The following DNMT1 variants were observed in gnomAD, a reference collection of about 807,000 sequenced individuals.
DNMT1 encodes DNA (cytosine-5)-methyltransferase 1.
DNMT1 carries 24 observed loss-of-function variants against 205.3 expected under a neutral mutation model. The ratio of observed to expected loss-of-function variants is 0.12; its 90% confidence interval spans 0.08 to 0.16. DNMT1 has a LOEUF of 0.16. DNMT1 is among the 10% of genes least tolerant of loss of function. DNMT1 has a pLI of 1.00. For synonymous variants in DNMT1, 817 were observed against 839.8 expected, an observed-to-expected ratio of 0.97 and a Z score of 0.47; for missense variants, 1,293 against 2,177.7, an observed-to-expected ratio of 0.59 and a Z score of 8.09.
rs1334574531 is a variant in DNMT1 at position 10,133,730 on chromosome 19, CTG to C, written c.4865-31_4865-30del. On this transcript the variant is annotated intron_variant, in intron 40 of 40. Transcript: ENST00000359526. The surrounding 1 kb of genome is among the most constrained non-coding windows in gnomAD (Gnocchi z 4.1). The stretch of plus-strand genomic sequence containing the variant: ...AAGGGAAATAAAAGGAAAAGTCACT[CTG>C]GGGAACACGCCCGGTGTCACGCCAC... The C allele has an allele frequency of 1.3e-6, 2 of 1,573,680 alleles. No individual in the cohort carries two copies. The highest frequency in any genetic ancestry group is 2.7e-5 in the African/African-American group (2 of 73,852).
In DNMT1 at chr19:10,137,002, G is replaced by A. The variant is rs571761401; in HGVS notation, c.4489+83C>T. 95 of 1,539,344 alleles carry A rather than the reference G, an allele frequency of 6.2e-5. No homozygotes were observed. The highest frequency in any genetic ancestry group is 8.1e-5 in the Non-Finnish European group (92 of 1,134,216). ...CTTGGTGTGTCTGTGCCCTGCCCTG[G>A]CCTCCAGGTTCACAGGCCAAAGGCC... On this transcript the variant is annotated intron_variant, in intron 37 of 40. Transcript: ENST00000359526. This position sits in a 1 kb window ranked among gnomAD's most constrained non-coding sequence, Gnocchi z 6.4.
Position 10,168,362 on chromosome 19 carries a change from T to G in DNMT1, c.771A>C (p.Glu257Asp), listed in dbSNP as rs2038736525. 1.2e-6 allele frequency: 2 copies of G among 1,614,052 alleles called. No individual in the cohort carries two copies. Among genetic ancestry groups the G allele is most frequent in the South Asian group, 2.2e-5 (2 of 91,092 alleles). ...TEKEEERDEK[E>D]EKRLRSQTKE... ...TGGTTTGACTTCGGAGTCTCTTTTC[T>G]TCCTAAGTTGCAGGGAAAAAAGACA... is the stretch of plus-strand genomic sequence containing the variant. Residue 257 changes from glutamate to aspartate, a missense_variant and splice_region_variant, in exon 10 of 41, where the codon GAA (glutamate) becomes GAC (aspartate). Around this residue, in one of 13 missense-constraint regions of DNMT1, gnomAD observed 394 missense variants for 451.6 expected, o/e 0.87. Transcript: ENST00000359526.
At chr19:10,148,294 A>C (rs1485157066) in intron 27 of DNMT1, among the ~76,000 whole-genome samples, 1 of 151,172 alleles carries the variant, frequency 6.6e-6, no homozygotes, top group East Asian at 1.9e-4. Flanking sequence ...CAGGAGATCG[A>C]GACCATCCTG....
In DNMT1 at chr19:10,180,215, G is replaced by T. The variant is rs1329131173; in HGVS notation, c.465C>A (p.Ala155=). 4 of 1,063,894 alleles carry T rather than the reference G, an allele frequency of 3.8e-6. No individual in the cohort carries two copies. Among genetic ancestry groups the T allele is most frequent in the Non-Finnish European group, 5.6e-6 (4 of 717,792 alleles). 65.9% of individuals were successfully genotyped at this position (1,063,894 alleles called of 1,614,324 possible). Reference sequence around the variant, plus strand: ...TAATCCCAGTTACTTGGGAGGCTGAGGCAGGAGGGTCTCTTGAACCTGGGA... The same window carrying T: ...TAATCCCAGTTACTTGGGAGGCTGATGCAGGAGGGTCTCTTGAACCTGGGA... ...GEAKRSRDPP[A]SASQVTGIRA... Residue 155 remains alanine, a synonymous_variant, in exon 5 of 41, where the codon GCC becomes GCA. Coordinates refer to ENST00000359526, the MANE Select transcript of DNMT1 (RefSeq NM_001130823.3).
In DNMT1 at chr19:10,143,844, T is replaced by C. The variant is rs1330228268; in HGVS notation, c.3038A>G (p.Lys1013Arg). 1 of 1,614,050 alleles carries C rather than the reference T, an allele frequency of 6.2e-7. No individual in the cohort carries two copies. The highest frequency in any genetic ancestry group is 8.5e-7 in the Non-Finnish European group (1 of 1,180,038). ...GCTCTTCTTGGGACAGAAGATCTCT[T>C]TGATCCGGCCAATTCGGTAGGGCTC... Reference protein sequence around the residue: ...APEPYRIGRIKEIFCPKKSNG... With the variant: ...APEPYRIGRIREIFCPKKSNG... The change falls in exon 29 of 41, where the codon AAA (lysine) becomes AGA (arginine). Residue 1013 changes from lysine to arginine, a missense_variant. By Grantham distance (26) the Lys-to-Arg change is conservative. Around this residue, in one of 13 missense-constraint regions of DNMT1, gnomAD observed 167 missense variants for 258.1 expected, o/e 0.65. Transcript: ENST00000359526.
chr19:10,182,549 G>A (rs1266362504), intron 1 of DNMT1, among the ~76,000 whole-genome samples: 2 of 144,538 alleles, frequency 1.4e-5, no homozygotes, highest in South Asian at 2.1e-4. Context: ...ATACATATGT[G>A]TATATATATA....
chr19:10,134,082 G>C, intron 40 of DNMT1, 135 bp downstream of exon 40: 3 of 865,214 alleles, frequency 3.5e-6, no homozygotes, highest in Non-Finnish European at 5.7e-6. Context: ...AGCCCCTTGA[G>C]AAAGATGGGG....
chr19:10,171,619 C>T (rs191748866), intron 9 of DNMT1, among the ~76,000 whole-genome samples: 39 of 152,106 alleles, frequency 2.6e-4, no homozygotes, highest in African/African-American at 3.6e-4. Context: ...TCCTGGCTAA[C>T]GTGGTGAAAC....
chr19:10,193,166 C>T (rs926758821), intron 1 of DNMT1, among the ~76,000 whole-genome samples: 1 of 152,070 alleles, frequency 6.6e-6, no homozygotes, highest in African/African-American at 2.4e-5. Flanking sequence ...CCAGCCTGGG[C>T]AATATGGTGA....
chr19:10,155,544 G>A (rs983448352), intron 19 of DNMT1, among the ~76,000 whole-genome samples: 1 of 152,034 alleles, frequency 6.6e-6, no homozygotes, highest in African/African-American at 2.4e-5. Flanking sequence ...CACCATGTTG[G>A]CCAGGCTAGG....
At chr19:10,173,328 T>A (rs566744439) in intron 8 of DNMT1, among the ~76,000 whole-genome samples, 154 bp from the exon 9 acceptor site, 2 of 152,254 alleles carry the variant, frequency 1.3e-5, no homozygotes, top group African/African-American at 4.8e-5. Context: ...GTATTTGATA[T>A]GACTTTTACA....
chr19:10,173,726 A>T, intron 8 of DNMT1, 145 bp downstream of exon 8: 1 of 822,256 alleles, frequency 1.2e-6, no homozygotes, highest in Non-Finnish European at 2.1e-6. Context: ...TCCTGACCTC[A>T]AGTGATTCGC....
chr19:10,167,307 T>C (rs1276988442), intron 10 of DNMT1, among the ~76,000 whole-genome samples: 1 of 152,082 alleles, frequency 6.6e-6, no homozygotes, highest in Non-Finnish European at 1.5e-5. Flanking sequence ...GTGATTCTCC[T>C]GCCTCAGTCT....
intron 40 of DNMT1, 124 bp downstream of exon 40, chr19:10,134,093 C>T: frequency 1.1e-6 from 1 of 947,420 alleles, no homozygotes; most frequent in Non-Finnish European, 1.7e-6. Context: ...AAAGATGGGG[C>T]CACGAACGTG....
chr19:10,162,139 G>A (rs1323908631), intron 13 of DNMT1, among the ~76,000 whole-genome samples: 3 of 145,256 alleles, frequency 2.1e-5, no homozygotes, highest in Non-Finnish European at 4.5e-5. Flanking sequence ...GCTGTGCCCA[G>A]CATTTTTTTT....
chr19:10,174,858 C>A (rs1000202480), intron 7 of DNMT1, among the ~76,000 whole-genome samples: 1 of 151,522 alleles, frequency 6.6e-6, no homozygotes, highest in Non-Finnish European at 1.5e-5. Context: ...ACATGGGAGA[C>A]CAGCCTGGGC....
intron 2 of DNMT1, 93 bp downstream of exon 2, chr19:10,181,948 A>C: frequency 8.4e-7 from 1 of 1,191,796 alleles, no homozygotes; most frequent in East Asian, 2.4e-5. Flanking sequence ...GAAAAAATGC[A>C]AAATCCATTT....
At chr19:10,157,940 C>A (rs2038491425) in intron 17 of DNMT1, among the ~76,000 whole-genome samples, 1 of 152,170 alleles carries the variant, frequency 6.6e-6, no homozygotes. Context: ...CAGACCCCAC[C>A]CATGACTGGC....
intron 9 of DNMT1, among the ~76,000 whole-genome samples, chr19:10,171,915 G>A (rs546288195): frequency 2.6e-5 from 4 of 151,774 alleles, no homozygotes; most frequent in East Asian, 1.9e-4. Context: ...GCTGGGACAT[G>A]AGAATTACTT....
Sources: gnomAD v4.1 joint callset for allele counts (sites outside exome capture counted in the v4.1 genomes callset) on GRCh38, gnomAD v4.1.1 for gene constraint, gnomAD v4.1.1 regional missense constraint, Gnocchi (gnomAD v3.1) non-coding constraint, MANE v1.5 for transcripts, NCBI Gene and HGNC (gene_info 2026-07-23, HGNC 2026-07-21) for gene names.